The following UBE2E2 variants were observed in gnomAD, a reference collection of about 807,000 sequenced individuals.
UBE2E2 encodes the protein ubiquitin-conjugating enzyme E2 E2.
Under a neutral mutation model 24.7 loss-of-function variants are expected in UBE2E2, and 6 were observed. The observed-to-expected ratio is 0.24, with a 90% CI of 0.13 to 0.48. The LOEUF is 0.48. Among genes scored for constraint, UBE2E2 ranks in the 20% least tolerant of loss-of-function variants. The pLI is 0.99. For synonymous variants in UBE2E2, 104 were observed against 83.6 expected (o/e 1.24, Z -1.33); for missense variants, 169 against 245.0 (o/e 0.69, Z 2.07).
chr3:23,478,809 G>C (rs1000344870), intron 3 of UBE2E2, among the ~76,000 whole-genome samples: 4 of 152,020 alleles, frequency 2.6e-5, no homozygotes, highest in Admixed American at 2.0e-4. Flanking sequence ...GAGTGGCTGA[G>C]GCAGAATGAT....
chr3:23,362,086 C>T (rs556916505), intron 3 of UBE2E2, among the ~76,000 whole-genome samples: 2 of 152,264 alleles, frequency 1.3e-5, no homozygotes, highest in Non-Finnish European at 2.9e-5. Flanking sequence ...GAACTAGTAG[C>T]ACCTAATGTG....
At position 23,358,832 on chromosome 3, in the gene UBE2E2, T is replaced by G. The variant is rs185427189; in HGVS notation, c.228-140776T>G. Among the ~76,000 whole-genome samples, 40 of 152,368 alleles carry G rather than the reference T, an allele frequency of 2.6e-4. No homozygotes were observed. The East Asian group carries it at 7.7e-3, about 29-fold the overall frequency. On this transcript the variant is annotated intron_variant, in intron 3 of 5. Transcript: ENST00000396703. ...ACATGGGTTGTTGAGTGCTTGCTTA[T>G]GTCTAGGCATTGTTACCTATTTATT...
At chr3:23,406,073 C>T (rs1015925177) in intron 3 of UBE2E2, among the ~76,000 whole-genome samples, 1 of 152,142 alleles carries the variant, frequency 6.6e-6, no homozygotes, top group Non-Finnish European at 1.5e-5. Context: ...AAAACAATAG[C>T]CTGAGTATAA....
intron 3 of UBE2E2, among the ~76,000 whole-genome samples, chr3:23,422,829 A>C (rs13095736): frequency 0.1 from 15,506 of 152,074 alleles, 923 homozygotes; most frequent in East Asian, 0.13. Context: ...TGAGTTGTCA[A>C]AAGTGTCTAG....
rs186294154 is a variant in UBE2E2 at position 23,474,644 on chromosome 3, A to T, written c.228-24964A>T. Among the ~76,000 whole-genome samples, 154 of 152,250 alleles carry T rather than the reference A, an allele frequency of 1.0e-3. 4 individuals are homozygous for T. Among genetic ancestry groups the T allele is most frequent in the African/African-American group, 3.6e-3 (148 of 41,490 alleles). ...CATTTACCCTGGTCACACAACTGGA[A>T]TGGCAGTCTAGAATAAAACTATGCT... On this transcript the variant is annotated intron_variant, in intron 3 of 5. Coordinates refer to ENST00000396703, the MANE Select transcript of UBE2E2 (RefSeq NM_152653.4). The surrounding 1 kb of genome is among the most constrained non-coding windows in gnomAD (Gnocchi z 4.0).
At chr3:23,227,796 A>G (rs1028358499) in intron 3 of UBE2E2, among the ~76,000 whole-genome samples, 13 of 152,206 alleles carry the variant, frequency 8.5e-5, no homozygotes, top group Admixed American at 3.9e-4. Context: ...GTGAGGGAGC[A>G]TGGTCTTGCC....
At chr3:23,539,000 A>G (rs1477760680) in intron 5 of UBE2E2, among the ~76,000 whole-genome samples, 1 of 152,160 alleles carries the variant, frequency 6.6e-6, no homozygotes, top group Non-Finnish European at 1.5e-5. Flanking sequence ...GAAATACTGA[A>G]TGAGAAAGGA....
At chr3:23,373,228 A>T (rs1696439874) in intron 3 of UBE2E2, among the ~76,000 whole-genome samples, 1 of 152,206 alleles carries the variant, frequency 6.6e-6, no homozygotes. Context: ...GTGGGTTCTA[A>T]GTAAAACACC....
intron 3 of UBE2E2, among the ~76,000 whole-genome samples, chr3:23,412,179 A>G (rs939011233): frequency 3.9e-5 from 6 of 152,192 alleles, no homozygotes; most frequent in African/African-American, 7.2e-5. Context: ...GGATGTAATA[A>G]TTAATGTATG....
chr3:23,458,941 A>T (rs1439882661), intron 3 of UBE2E2, among the ~76,000 whole-genome samples: 2 of 152,234 alleles, frequency 1.3e-5, no homozygotes, highest in Non-Finnish European at 2.9e-5. Flanking sequence ...GCATGCCTGT[A>T]AATGGCAGTA....
chr3:23,343,478 A>T (rs1438273779), intron 3 of UBE2E2, among the ~76,000 whole-genome samples: 1 of 152,176 alleles, frequency 6.6e-6, no homozygotes, highest in Non-Finnish European at 1.5e-5. Context: ...CAGGAGGCTG[A>T]GGCAGGAGAA....
At chr3:23,458,426 GGTTGTT>G (rs548190773) in intron 3 of UBE2E2, among the ~76,000 whole-genome samples, 2 of 147,980 alleles carry the variant, frequency 1.4e-5, no homozygotes, top group African/African-American at 5.2e-5. Flanking sequence ...TGGTGGTGGT[GGTTGTT>G]GTTGTTTGAG....
intron 5 of UBE2E2, among the ~76,000 whole-genome samples, chr3:23,549,619 G>C (rs1575700587): frequency 6.6e-6 from 1 of 152,236 alleles, no homozygotes; most frequent in East Asian, 1.9e-4. Flanking sequence ...GGAAAAAATG[G>C]TATGTGTGGA....
At chr3:23,388,507 C>T (rs909014094) in intron 3 of UBE2E2, among the ~76,000 whole-genome samples, 2 of 151,854 alleles carry the variant, frequency 1.3e-5, no homozygotes, top group South Asian at 2.1e-4. Flanking sequence ...AAAGAATGTC[C>T]GAGAGGTTTT....
intron 3 of UBE2E2, among the ~76,000 whole-genome samples, chr3:23,389,263 T>C (rs992669464): frequency 2.0e-5 from 3 of 152,164 alleles, no homozygotes; most frequent in Non-Finnish European, 4.4e-5. Flanking sequence ...AGAGGCTGGC[T>C]TCCTGTATTT....
intron 4 of UBE2E2, among the ~76,000 whole-genome samples, chr3:23,502,746 G>T (rs940969695): frequency 2.6e-5 from 4 of 152,134 alleles, no homozygotes; most frequent in Non-Finnish European, 4.4e-5. Context: ...GTTTTAAATA[G>T]GTTGAGTATT....
intron 2 of UBE2E2, 61 bp downstream of exon 2, chr3:23,208,936 T>C: frequency 6.9e-7 from 1 of 1,450,048 alleles, no homozygotes; most frequent in Non-Finnish European, 9.2e-7. Flanking sequence ...AAGTTCTATT[T>C]TTCTCTTGCA....
At chr3:23,569,253 A>C (rs1696166570) in intron 5 of UBE2E2, among the ~76,000 whole-genome samples, 2 of 152,214 alleles carry the variant, frequency 1.3e-5, no homozygotes, top group African/African-American at 4.8e-5. Context: ...ATTTAGGAAA[A>C]GTTTTCAGAT....
At chr3:23,514,484 A>G (rs748293623) in intron 4 of UBE2E2, among the ~76,000 whole-genome samples, 2 of 152,066 alleles carry the variant, frequency 1.3e-5, no homozygotes, top group Non-Finnish European at 1.5e-5. Context: ...TCATTCTCCC[A>G]TATCTAATCA....
Sources: allele counts gnomAD v4.1 joint callset (sites outside exome capture counted in the v4.1 genomes callset), GRCh38; gene constraint gnomAD v4.1.1; non-coding constraint Gnocchi (gnomAD v3.1); transcripts MANE v1.5; gene names NCBI Gene and HGNC (gene_info 2026-07-23, HGNC 2026-07-21).